ZNF107: variants seen among roughly 807,000 people sequenced by gnomAD.
ZNF107 encodes C2H2 type zinc-finger protein.
Under a neutral mutation model 12.3 loss-of-function variants are expected in ZNF107, and 19 were observed. The ratio of observed to expected loss-of-function variants is 1.55; its 90% CI spans 1.08 to 2.27. The LOEUF (loss-of-function observed/expected upper bound fraction) is 2.27. Among genes scored for constraint, ZNF107 ranks in the 30% most tolerant of loss-of-function variants. The pLI is 0.00. For synonymous variants in ZNF107, 317 were observed against 330.5 expected, an observed-to-expected ratio of 0.96 and a Z score of 0.44; for missense variants, 958 against 979.9, an observed-to-expected ratio of 0.98 and a Z score of 0.30.
Position 64,708,793 on chromosome 7 carries a change from T to A in ZNF107, c.*137T>A. 1 of 858,592 alleles carries A rather than the reference T, an allele frequency of 1.2e-6. No homozygotes were observed. Among genetic ancestry groups the A allele is most frequent in the Non-Finnish European group, 1.8e-6 (1 of 566,946 alleles). 53.2% of individuals were successfully genotyped at this position (858,592 alleles called of 1,614,324 possible). A position where few individuals can be genotyped will look rare whatever the true frequency, so the allele number is the denominator to read the frequency against. ...GGTATTTTATACTGGTGAGAAACCTTACAATGTAAAGAATGTGGCACAGCT... is the reference window on the plus strand; with the variant it reads ...GGTATTTTATACTGGTGAGAAACCTAACAATGTAAAGAATGTGGCACAGCT... On this transcript the variant is annotated 3_prime_UTR_variant, in exon 4 of 4. Transcript: ENST00000620827.
At chr7:64,682,758 C>G (rs1188246747) in intron 1 of ZNF107, among the ~76,000 whole-genome samples, 1 of 152,136 alleles carries the variant, frequency 6.6e-6, no homozygotes, top group African/African-American at 2.4e-5. Flanking sequence ...CCTCCAGAGT[C>G]TCATTTCTTC....
At chr7:64,698,743 G>T (rs1790376449) in intron 3 of ZNF107, among the ~76,000 whole-genome samples, 1 of 152,062 alleles carries the variant, frequency 6.6e-6, no homozygotes, top group African/African-American at 2.4e-5. Context: ...ATTTAATGTT[G>T]TATTTAAGAA....
intron 1 of ZNF107, chr7:64,687,097 T>TG (rs1789947270): frequency 4.1e-6 from 4 of 985,476 alleles, no homozygotes; most frequent in Non-Finnish European, 2.4e-6. Flanking sequence ...TTTCTTAAGA[T>TG]GCTTTTCTTT....
Position 64,708,309 on chromosome 7 carries a change from T to C in ZNF107, c.2212T>C (p.Cys738Arg). ...AGAGAAACCTTACAAATGTAAAGAATGTGGCAAAGCTTTTAACCTATCCTC... is the reference window on the plus strand; with the variant it reads ...AGAGAAACCTTACAAATGTAAAGAACGTGGCAAAGCTTTTAACCTATCCTC... The part of the protein sequence containing the change: ...TGEKPYKCKE[C>R]GKAFNLSSTL... The change falls in exon 4 of 4, where the codon TGT becomes CGT. Residue 738 changes from cysteine to arginine, a missense_variant. By Grantham distance (180) the Cys-to-Arg change is radical (BLOSUM62 -3). Transcript: ENST00000620827. The C allele has an allele frequency of 1.2e-6, 2 of 1,613,442 alleles. No homozygotes were observed. Among genetic ancestry groups the C allele is most frequent in the East Asian group, 2.2e-5 (1 of 44,788 alleles).
At chr7:64,669,022 TTTTTTTTTTTTG>T (rs1789119009) in intron 1 of ZNF107, 1 of 129,412 alleles carries the variant, frequency 7.7e-6, no homozygotes, top group Non-Finnish European at 1.6e-5. Flanking sequence ...TTTTTTTTTT[TTTTTTTTTTTTG>T]AGATGGAGTC....
At chr7:64,700,505 C>CAT in intron 3 of ZNF107, among the ~76,000 whole-genome samples, 1 of 93,230 alleles carries the variant, frequency 1.1e-5, no homozygotes, top group South Asian at 4.6e-4. Flanking sequence ...GCCAAATAAA[C>CAT]CTTTTTTTTT....
chr7:64,675,311 T>C (rs1562824451), intron 1 of ZNF107, among the ~76,000 whole-genome samples: 1 of 152,196 alleles, frequency 6.6e-6, no homozygotes, highest in East Asian at 1.9e-4. Flanking sequence ...ATTCAATTTC[T>C]TTTTCTGCTC....
chr7:64,687,687 T>A, intron 1 of ZNF107: 1 of 492,794 alleles, frequency 2.0e-6, no homozygotes, highest in Non-Finnish European at 2.6e-6. Flanking sequence ...ATGAACTATG[T>A]ATGACATGTG....
chr7:64,686,870 C>T (rs956007808), intron 1 of ZNF107: 92 of 983,136 alleles, frequency 9.4e-5, no homozygotes, highest in Non-Finnish European at 1.0e-4. Flanking sequence ...AGTGAATAAA[C>T]GGCCTTGTTG....
rs1409532222 is a variant in ZNF107 at position 64,707,368 on chromosome 7, C to T, written c.1271C>T (p.Pro424Leu). ...AAGATAATTCATACTGGAGAGAAAC[C>T]CTACAAATGTAAAGAATGTGGCAAA... ...RHKIIHTGEK[P>L]YKCKECGKAF... is the part of the protein sequence containing the mutation. The change falls in exon 4 of 4, where the codon CCC (proline) becomes CTC (leucine). Residue 424 changes from proline to leucine, a missense_variant. By Grantham distance (98) the Pro-to-Leu change is moderately conservative. Coordinates refer to ENST00000620827, the MANE Select transcript of ZNF107 (RefSeq NM_001282359.2). 1 of 1,613,260 alleles carries T rather than the reference C, an allele frequency of 6.2e-7. No individual in the cohort carries two copies. Among genetic ancestry groups the T allele is most frequent in the African/African-American group, 1.3e-5 (1 of 74,972 alleles).
chr7:64,690,336 A>G, intron 1 of ZNF107: 1 of 983,606 alleles, frequency 1.0e-6, no homozygotes, highest in Non-Finnish European at 1.2e-6. Context: ...GCAGAGTAAT[A>G]TATAGGGTTT....
intron 3 of ZNF107, among the ~76,000 whole-genome samples, chr7:64,699,729 A>C (rs1790404499): frequency 6.6e-6 from 1 of 151,992 alleles, no homozygotes; most frequent in African/African-American, 2.4e-5. Flanking sequence ...ATTTCATAAG[A>C]CTTGGTTTGA....
intron 1 of ZNF107, among the ~76,000 whole-genome samples, chr7:64,668,137 C>G (rs1377290204): frequency 6.6e-6 from 1 of 151,886 alleles, no homozygotes; most frequent in Non-Finnish European, 1.5e-5. Flanking sequence ...ACACATGAGT[C>G]AGACACATCT....
intron 3 of ZNF107, among the ~76,000 whole-genome samples, chr7:64,694,165 T>C (rs1006289962): frequency 6.6e-6 from 1 of 152,240 alleles, no homozygotes. Flanking sequence ...TTGAACTGTT[T>C]CAGGGACCAC....
rs1790686581 is a variant in ZNF107, at chr7:64,707,219, T to C, written c.1122T>C (p.Cys374=). The change falls in exon 4 of 4, where the codon TGT becomes TGC. Residue 374 remains cysteine (C), a synonymous_variant. Coordinates refer to ENST00000620827, the MANE Select transcript of ZNF107 (RefSeq NM_001282359.2). ...GGAAACTCAACAAATGTGAAGAATG[T>C]GACAAAGCTTTTAACCGATCCTTAA... The part of the protein sequence containing the change: ...TGGKLNKCEE[C]DKAFNRSLKL... The C allele has an allele frequency of 1.9e-6, 3 of 1,613,418 alleles. No homozygotes were observed. The African/African-American group carries it at 4.0e-5, about 22-fold the overall frequency.
chr7:64,689,825 A>G (rs897563786), intron 1 of ZNF107: 1 of 152,176 alleles, frequency 6.6e-6, no homozygotes, highest in African/African-American at 2.4e-5. Flanking sequence ...TCTCAGTGTA[A>G]GAGAAATGAG....
At chr7:64,669,301 C>T (rs971291766) in intron 1 of ZNF107, 2 of 151,972 alleles carry the variant, frequency 1.3e-5, no homozygotes, top group Admixed American at 6.6e-5. Context: ...TGAGCCACTG[C>T]ACCCAGCTGG....
chr7:64,707,924 TATAC>T lies in ZNF107; in HGVS notation c.1831_1834del (p.His611LysfsTer30). On this transcript the variant is annotated frameshift_variant, in exon 4 of 4. Transcript: ENST00000620827. LOFTEE classifies it low-confidence loss of function (END_TRUNC). ...CCTTTAAACAGTCCTCACACCGTAC[TATAC>T]ATAAAATTATTCATACTGGAGAGAA... is the stretch of plus-strand genomic sequence containing the variant. 1 of 1,613,602 alleles carries T rather than the reference TATAC, an allele frequency of 6.2e-7. No homozygotes were observed. The highest frequency in any genetic ancestry group is 1.1e-5 in the South Asian group (1 of 91,002).
chr7:64,694,218 T>G (rs1790212204), intron 3 of ZNF107, among the ~76,000 whole-genome samples: 1 of 152,232 alleles, frequency 6.6e-6, no homozygotes, highest in Non-Finnish European at 1.5e-5. Flanking sequence ...TGGCTACAAA[T>G]GAGTGTTCTC....
Sources: allele counts gnomAD v4.1 joint callset (sites outside exome capture counted in the v4.1 genomes callset), GRCh38; gene constraint gnomAD v4.1.1; transcripts MANE v1.5; gene names NCBI Gene and HGNC (gene_info 2026-07-23, HGNC 2026-07-21).